Variants in GDAP2 observed in about 807,000 individuals in gnomAD.
GDAP2 encodes the protein ganglioside induced differentiation associated protein 2.
In GDAP2, 51 loss-of-function variants were observed where a neutral mutation model predicts 67.0. The ratio of observed to expected loss-of-function variants is 0.76; its 90% confidence interval spans 0.61 to 0.96. GDAP2 has a LOEUF of 0.96. Ranked by LOEUF, GDAP2 falls within the 40% of genes least tolerant of loss-of-function variation. The pLI is 0.00. For missense variants in GDAP2, 547 were observed against 588.3 expected (o/e 0.93, Z 0.73); for synonymous variants, 203 against 207.3 (o/e 0.98, Z 0.18).
At chr1:117,899,323 TAA>T (rs1196860711) in intron 6 of GDAP2, 107 bp from the exon 7 acceptor site, 5 of 739,180 alleles carry the variant, frequency 6.8e-6, no homozygotes, top group Non-Finnish European at 1.2e-5. Flanking sequence ...CCATCAAGAA[TAA>T]AGACTTTACC....
rs569630491 is a variant in GDAP2 at position 117,903,147 on chromosome 1, T to C, written c.636+3359A>G. Reference sequence around the variant, plus strand: ...GTAACCCCACTGGAACTCTATTAGTTCTAACAGTGTTTGTTTGGTTTTTTT... The same window carrying C: ...GTAACCCCACTGGAACTCTATTAGTCCTAACAGTGTTTGTTTGGTTTTTTT... On this transcript the variant is annotated intron_variant, in intron 6 of 13. Coordinates refer to ENST00000369443, the MANE Select transcript of GDAP2 (RefSeq NM_017686.4). Among the ~76,000 whole-genome samples the C allele has an allele frequency of 1.1e-4, 16 of 152,320 alleles. No individual in the cohort carries two copies. In the East Asian group the frequency reaches 2.1e-3, roughly 20 times the overall value.
At chr1:117,898,944 A>G in intron 7 of GDAP2, 113 bp downstream of exon 7, 1 of 739,422 alleles carries the variant, frequency 1.4e-6, no homozygotes, top group Non-Finnish European at 2.3e-6. Context: ...GATAGTAGTC[A>G]TGGTAATAGA....
rs1332023188 is a variant in GDAP2 at position 117,865,805 on chromosome 1, T to G, written c.*4764A>C. 1 of 152,140 alleles carries G rather than the reference T, an allele frequency of 6.6e-6. No individual in the cohort carries two copies. Among genetic ancestry groups the G allele is most frequent in the Non-Finnish European group, 1.5e-5 (1 of 68,018 alleles). 9.4% of individuals were successfully genotyped at this position (152,140 alleles called of 1,614,324 possible). A position where few individuals can be genotyped will look rare whatever the true frequency, so the allele number is the denominator to read the frequency against. ...ATGCTGTTCTTAAAAGTGTAAAAAA[T>G]AACTAATATACAAGAGAGTCACTAA... On this transcript the variant is annotated 3_prime_UTR_variant, in exon 14 of 14. Coordinates refer to ENST00000369443, the MANE Select transcript of GDAP2 (RefSeq NM_017686.4).
intron 1 of GDAP2, among the ~76,000 whole-genome samples, chr1:117,925,002 T>TA (rs1457852912): frequency 6.6e-6 from 1 of 152,130 alleles, no homozygotes; most frequent in Non-Finnish European, 1.5e-5. Flanking sequence ...GTCATTGTCA[T>TA]AAAAAAGCTC....
chr1:117,922,159 G>A (rs887304300), intron 1 of GDAP2, among the ~76,000 whole-genome samples: 1 of 152,064 alleles, frequency 6.6e-6, no homozygotes, highest in Admixed American at 6.5e-5. Context: ...CAGAAGATGC[G>A]GCTAAAGATA....
chr1:117,865,982 T>A lies in GDAP2; in HGVS notation c.*4587A>T, dbSNP rs1187541417. ...AAACAAGGCAGATTATGCATATATG[T>A]GTGTGTGCATGCATGTATATGTATA... On this transcript the variant is annotated 3_prime_UTR_variant, in exon 14 of 14. Coordinates refer to ENST00000369443, the MANE Select transcript of GDAP2 (RefSeq NM_017686.4). 1.3e-5 allele frequency: 2 copies of A among 152,168 alleles called. No homozygotes were observed. Among genetic ancestry groups the A allele is most frequent in the Non-Finnish European group, 2.9e-5 (2 of 68,038 alleles). The allele number at this position is 152,168 out of a possible 1,614,324, so 9.4% of individuals were successfully genotyped here. A position where few individuals can be genotyped will look rare whatever the true frequency, so the allele number is the denominator to read the frequency against.
chr1:117,920,260 G>T lies in GDAP2; in HGVS notation c.98C>A (p.Thr33Lys). The T allele has an allele frequency of 6.2e-7, 1 of 1,605,200 alleles. No individual in the cohort carries two copies. The highest frequency in any genetic ancestry group is 1.1e-5 in the South Asian group (1 of 90,748). ...CQDELNSSDT[T>K]AEIFQEDTVR... is the part of the protein sequence containing the mutation. ...AGTGTCTTCCTGAAATATTTCAGCT[G>T]TAGTATCAGAGGAATTTAATTCATC... The change falls in exon 2 of 14, where the codon ACA becomes AAA. Residue 33 changes from threonine (T) to lysine (K), a missense_variant. Coordinates refer to ENST00000369443, the MANE Select transcript of GDAP2 (RefSeq NM_017686.4).
chr1:117,916,131 A>G (rs1356461299), intron 3 of GDAP2, among the ~76,000 whole-genome samples: 1 of 152,212 alleles, frequency 6.6e-6, no homozygotes, highest in Non-Finnish European at 1.5e-5. Context: ...CAGGATTACA[A>G]TTGTGATAAG....
chr1:117,875,879 G>A (rs1648437891), intron 13 of GDAP2, among the ~76,000 whole-genome samples: 1 of 152,146 alleles, frequency 6.6e-6, no homozygotes, highest in Admixed American at 6.5e-5. Context: ...TTATATCTTG[G>A]AAGCAAATAA....
Position 117,878,064 on chromosome 1 carries a change from G to A in GDAP2, c.1391C>T (p.Ala464Val), listed in dbSNP as rs1403334652. The A allele has an allele frequency of 6.8e-6, 11 of 1,610,618 alleles. No individual in the cohort carries two copies. In the East Asian group the frequency reaches 2.5e-4, roughly 36 times the overall value. Residue 464 changes from alanine to valine, a missense_variant, in exon 13 of 14, where the codon GCC (alanine) becomes GTC (valine). Coordinates refer to ENST00000369443, the MANE Select transcript of GDAP2 (RefSeq NM_017686.4). ...AAAGTCAATCTGTTCTGGTGATATG[G>A]CAGAAAACAGCTGGTGGAGGCTGTC... is the stretch of plus-strand genomic sequence containing the variant. ...HVDSLHQLFS[A>V]ISPEQIDFPP...
intron 12 of GDAP2, among the ~76,000 whole-genome samples, chr1:117,879,495 T>C (rs1648579045): frequency 6.6e-6 from 1 of 152,162 alleles, no homozygotes; most frequent in South Asian, 2.1e-4. Context: ...ATGATGATGA[T>C]AATGACAATG....
At position 117,878,150 on chromosome 1, in the gene GDAP2, C is replaced by T. The variant is rs934195067; in HGVS notation, c.1305G>A (p.Val435=). ...YFVHPTFRSK[V]STWFFTTFSV... Reference sequence around the variant, plus strand: ...AAAAGGTGGTAAAAAACCATGTTGACACCTGATTAATAGAAGAGAAAAAAT... The same window carrying T: ...AAAAGGTGGTAAAAAACCATGTTGATACCTGATTAATAGAAGAGAAAAAAT... Residue 435 remains valine, a splice_region_variant and synonymous_variant, in exon 13 of 14, where the codon GTG becomes GTA. Transcript: ENST00000369443. 2.6e-6 allele frequency: 4 copies of T among 1,536,506 alleles called. No individual in the cohort carries two copies. Among genetic ancestry groups the T allele is most frequent in the Non-Finnish European group, 3.6e-6 (4 of 1,124,534 alleles).
intron 2 of GDAP2, among the ~76,000 whole-genome samples, 167 bp from the exon 3 acceptor site, chr1:117,918,903 G>A (rs530405931): frequency 1.4e-4 from 21 of 150,594 alleles, no homozygotes; most frequent in African/African-American, 5.2e-4. Flanking sequence ...AAAACAATCT[G>A]GCATCTTAGA....
intron 9 of GDAP2, among the ~76,000 whole-genome samples, chr1:117,887,257 T>C (rs1005993869): frequency 9.2e-5 from 14 of 152,142 alleles, no homozygotes; most frequent in African/African-American, 3.4e-4. Context: ...AACAGCTTTT[T>C]GCTTAAGCTC....
intron 1 of GDAP2, among the ~76,000 whole-genome samples, chr1:117,927,578 G>C (rs1466442758): frequency 6.6e-6 from 1 of 152,072 alleles, no homozygotes; most frequent in Non-Finnish European, 1.5e-5. Flanking sequence ...ATATTTAACA[G>C]TTCAGAGTAC....
chr1:117,867,865 A>G lies in GDAP2; in HGVS notation c.*2704T>C, dbSNP rs934351588. On this transcript the variant is annotated 3_prime_UTR_variant, in exon 14 of 14. Coordinates refer to ENST00000369443, the MANE Select transcript of GDAP2 (RefSeq NM_017686.4). ...ATTTTCACTATCAAGAAACTTGGAT[A>G]TAGATGAATTAAGAACCCAAATACA... is the stretch of plus-strand genomic sequence containing the variant. 1 of 152,240 alleles carries G rather than the reference A, an allele frequency of 6.6e-6. No individual in the cohort carries two copies. Among genetic ancestry groups the G allele is most frequent in the Non-Finnish European group, 1.5e-5 (1 of 68,040 alleles). 9.4% of individuals were successfully genotyped at this position (152,240 alleles called of 1,614,324 possible).
chr1:117,927,617 A>C (rs1184865950), intron 1 of GDAP2, among the ~76,000 whole-genome samples: 1 of 152,206 alleles, frequency 6.6e-6, no homozygotes, highest in Non-Finnish European at 1.5e-5. Context: ...ACCATACTTA[A>C]GAATCATTTT....
At chr1:117,886,480 A>G (rs1648858164) in intron 10 of GDAP2, 97 bp downstream of exon 10, 8 of 716,994 alleles carry the variant, frequency 1.1e-5, no homozygotes, top group South Asian at 8.0e-5. Flanking sequence ...TACACAATTC[A>G]GCCTTGATTC....
At chr1:117,917,025 C>T (rs1346260053) in intron 3 of GDAP2, among the ~76,000 whole-genome samples, 1 of 149,160 alleles carries the variant, frequency 6.7e-6, no homozygotes, top group Admixed American at 6.7e-5. Flanking sequence ...CAGAGCAAGA[C>T]TCTGTCTCAG....
Sources: allele counts gnomAD v4.1 joint callset (sites outside exome capture counted in the v4.1 genomes callset), GRCh38; gene constraint gnomAD v4.1.1; transcripts MANE v1.5; gene names NCBI Gene and HGNC (gene_info 2026-07-23, HGNC 2026-07-21).